IL34: variants seen among roughly 807,000 people sequenced by gnomAD.
IL34 encodes the protein interleukin-34.
IL34 carries 17 observed loss-of-function variants against 25.3 expected under a neutral mutation model. The observed-to-expected ratio is 0.67, with a 90% CI of 0.46 to 1.01. The LOEUF (loss-of-function observed/expected upper bound fraction) is 1.01, where lower values mean the gene tolerates loss of function less well. IL34 is among the 50% of genes least tolerant of loss of function. The probability of loss-of-function intolerance (pLI) is 0.00; values close to 1 mark genes in which losing one functional copy is unlikely to be tolerated. For missense variants in IL34, 368 were observed against 312.9 expected (o/e 1.18, Z -1.33); for synonymous variants, 174 against 140.9 (o/e 1.23, Z -1.66).
chr16:70,642,280 G>C (rs368778911), upstream of IL34, among the ~76,000 whole-genome samples: 95 of 151,276 alleles, frequency 6.3e-4, 1 homozygote, highest in African/African-American at 2.2e-3. Flanking sequence ...GAGAGAGTGA[G>C]CGTACTCTGA....
chr16:70,611,673 G>A (rs1432929746), intron 1 of IL34, among the ~76,000 whole-genome samples: 2 of 151,852 alleles, frequency 1.3e-5, no homozygotes, highest in Admixed American at 6.6e-5. Context: ...GTGAAACCCC[G>A]TTTCTACTAA....
At chr16:70,622,502 C>T (rs1374734663) in intron 1 of IL34, among the ~76,000 whole-genome samples, 1 of 151,676 alleles carries the variant, frequency 6.6e-6, no homozygotes, top group Admixed American at 6.6e-5. Flanking sequence ...TATAGCATAG[C>T]CTGCCTTTGC....
intron 1 of IL34, among the ~76,000 whole-genome samples, chr16:70,640,153 T>C (rs1597769123): frequency 6.6e-6 from 1 of 152,160 alleles, no homozygotes; most frequent in African/African-American, 2.4e-5. Flanking sequence ...TTCTTTTGTT[T>C]TGCTTTGAGA....
intron 1 of IL34, among the ~76,000 whole-genome samples, chr16:70,602,406 G>A (rs1444515154): frequency 6.6e-6 from 1 of 152,088 alleles, no homozygotes; most frequent in Non-Finnish European, 1.5e-5. Context: ...AGTGGCTCAT[G>A]CCTGTGGTCC....
At chr16:70,643,535 T>C (rs2051836351), upstream of IL34, among the ~76,000 whole-genome samples, 1 of 152,138 alleles carries the variant, frequency 6.6e-6, no homozygotes, top group African/African-American at 2.4e-5. Flanking sequence ...TACACCCACC[T>C]AATTAAAAAA....
chr16:70,611,292 C>T (rs562563848), intron 1 of IL34, among the ~76,000 whole-genome samples: 27 of 152,218 alleles, frequency 1.8e-4, no homozygotes, highest in African/African-American at 5.1e-4. Context: ...TGCCTGAACT[C>T]GCTCTTGTAT....
At chr16:70,615,972 C>T (rs2051166980) in intron 1 of IL34, among the ~76,000 whole-genome samples, 1 of 152,134 alleles carries the variant, frequency 6.6e-6, no homozygotes, top group Non-Finnish European at 1.5e-5. Context: ...ATCCGTCCCC[C>T]CTCAAACTCC....
intron 1 of IL34, among the ~76,000 whole-genome samples, chr16:70,649,500 G>A (rs1006536830): frequency 1.3e-5 from 2 of 152,134 alleles, no homozygotes; most frequent in African/African-American, 4.8e-5. Context: ...GTTTTCACTA[G>A]TCCTCAGTTT....
chr16:70,610,827 C>T (rs908000758), intron 1 of IL34, among the ~76,000 whole-genome samples: 1 of 152,168 alleles, frequency 6.6e-6, no homozygotes, highest in Non-Finnish European at 1.5e-5. Context: ...GAAGGAGGGG[C>T]CCCCTCAAGC....
At chr16:70,646,288 C>T (rs1597774630), upstream of IL34, among the ~76,000 whole-genome samples, 2 of 152,062 alleles carry the variant, frequency 1.3e-5, no homozygotes, top group African/African-American at 2.4e-5. Flanking sequence ...CCATGGCTCT[C>T]GATGTGTGAA....
intron 1 of IL34, among the ~76,000 whole-genome samples, chr16:70,628,805 T>TA (rs1427269080): frequency 7.9e-5 from 12 of 151,424 alleles, no homozygotes; most frequent in Admixed American, 7.9e-4. Flanking sequence ...TTTTTTTTTT[T>TA]TGAGACAGGG....
intron 1 of IL34, among the ~76,000 whole-genome samples, chr16:70,587,213 C>T (rs1398026483): frequency 6.6e-6 from 1 of 151,872 alleles, no homozygotes; most frequent in African/African-American, 2.4e-5. Flanking sequence ...AGTGACACAG[C>T]GAGGATTTGT....
At chr16:70,639,720 C>A (rs34493949) in intron 1 of IL34, among the ~76,000 whole-genome samples, 1 of 152,120 alleles carries the variant, frequency 6.6e-6, no homozygotes, top group African/African-American at 2.4e-5. Flanking sequence ...TTAGGGAGGC[C>A]GGGGTCGAGG....
rs56164163 is a variant in IL34, at chr16:70,648,552, TAAAAAAA to T, written c.28+1594_28+1600del. Among the ~76,000 whole-genome samples, 8 of 73,308 alleles carry T rather than the reference TAAAAAAA, an allele frequency of 1.1e-4. No homozygotes were observed. The East Asian group carries it at 1.9e-3, about 18-fold the overall frequency. The allele number at this position is 73,308 out of a possible 152,430, so 48.1% of individuals were successfully genotyped here. On this transcript the variant is annotated intron_variant, in intron 1 of 5. Coordinates refer to ENST00000288098, the MANE Select transcript of IL34 (RefSeq NM_001393494.1). ...GGGCAACAGGGTGAGACCCTGTCTT[TAAAAAAA>T]AAAAAAAAAAAAAAAAGGAGAAAAG...
intron 1 of IL34, among the ~76,000 whole-genome samples, chr16:70,617,999 G>A (rs1214737026): frequency 2.0e-5 from 3 of 152,208 alleles, no homozygotes; most frequent in Non-Finnish European, 4.4e-5. Context: ...TAATTTGCCA[G>A]TCCTGGGTGG....
chr16:70,581,446 T>C (rs2050635395), intron 1 of IL34, among the ~76,000 whole-genome samples: 1 of 151,868 alleles, frequency 6.6e-6, no homozygotes, highest in South Asian at 2.1e-4. Context: ...TTTCCCCCCT[T>C]TTCCTTGGAG....
intron 1 of IL34, among the ~76,000 whole-genome samples, chr16:70,623,672 G>A (rs1248341091): frequency 6.6e-6 from 1 of 151,898 alleles, no homozygotes; most frequent in Non-Finnish European, 1.5e-5. Flanking sequence ...GGATGCAAAG[G>A]AGGCTTTGGA....
At chr16:70,627,956 C>G (rs78321692) in intron 1 of IL34, among the ~76,000 whole-genome samples, 3 of 152,108 alleles carry the variant, frequency 2.0e-5, no homozygotes, top group African/African-American at 4.8e-5. Context: ...TATTTACTTA[C>G]GAAAGAAATT....
At chr16:70,589,730 CT>C (rs1208636780) in intron 1 of IL34, among the ~76,000 whole-genome samples, 1 of 150,870 alleles carries the variant, frequency 6.6e-6, no homozygotes. Context: ...TCAAGTGATT[CT>C]CTTGCCTCAG....
Sources: gnomAD v4.1 joint callset for allele counts (sites outside exome capture counted in the v4.1 genomes callset) on GRCh38, gnomAD v4.1.1 for gene constraint, MANE v1.5 for transcripts, NCBI Gene and HGNC (gene_info 2026-07-23, HGNC 2026-07-21) for gene names.